Variants in SPRED2 observed in about 807,000 individuals in gnomAD.
The protein encoded by SPRED2 is sprouty related EVH1 domain containing 2.
Under a neutral mutation model 43.0 loss-of-function variants are expected in SPRED2, and 47 were observed. The observed-to-expected ratio is 1.09, with a 90% CI of 0.87 to 1.40. The LOEUF is 1.40. SPRED2 is among the 40% of genes most tolerant of loss of function. The probability of loss-of-function intolerance (pLI) is 0.00; values close to 1 mark genes in which losing one functional copy is unlikely to be tolerated. For synonymous variants in SPRED2, 225 were observed against 225.7 expected, an observed-to-expected ratio of 1.00 and a Z score of 0.03; for missense variants, 561 against 586.4, an observed-to-expected ratio of 0.96 and a Z score of 0.45.
chr2:65,431,766 C>T (rs748916852), intron 1 of SPRED2, among the ~76,000 whole-genome samples, 196 bp downstream of exon 1: 44 of 152,280 alleles, frequency 2.9e-4, no homozygotes, highest in South Asian at 6.2e-4. Flanking sequence ...AGGCGTGCGC[C>T]CGCCAGCCCG....
intron 1 of SPRED2, among the ~76,000 whole-genome samples, chr2:65,348,409 G>A (rs1356477069): frequency 2.0e-5 from 3 of 151,936 alleles, no homozygotes. Flanking sequence ...TGCCTTTTTT[G>A]TTCACTGCTA....
intron 1 of SPRED2, among the ~76,000 whole-genome samples, chr2:65,430,489 A>AT (rs1676651380): frequency 6.6e-6 from 1 of 152,212 alleles, no homozygotes; most frequent in South Asian, 2.1e-4. Context: ...GGTATATTTA[A>AT]TAAAGTGAGT....
chr2:65,326,372 C>G (rs1485619523), intron 4 of SPRED2, among the ~76,000 whole-genome samples: 1 of 152,190 alleles, frequency 6.6e-6, no homozygotes, highest in Non-Finnish European at 1.5e-5. Flanking sequence ...CTTTGGCAAA[C>G]AGGAAGTCGT....
intron 2 of SPRED2, among the ~76,000 whole-genome samples, chr2:65,339,119 T>C (rs13384624): frequency 3.0e-5 from 1 of 33,828 alleles, no homozygotes; most frequent in Non-Finnish European, 5.1e-5. Flanking sequence ...CAGCGCCCCC[T>C]CCCGGCCAGC....
At chr2:65,327,624 A>G (rs1370382425) in intron 4 of SPRED2, among the ~76,000 whole-genome samples, 1 of 151,294 alleles carries the variant, frequency 6.6e-6, no homozygotes, top group Non-Finnish European at 1.5e-5. Flanking sequence ...CTCAATCAGC[A>G]GTAGTTATGG....
At chr2:65,422,164 C>G (rs542800819) in intron 1 of SPRED2, among the ~76,000 whole-genome samples, 39 of 148,908 alleles carry the variant, frequency 2.6e-4, no homozygotes, top group African/African-American at 9.1e-4. Context: ...TCTCTCATAC[C>G]TAAAAACGAC....
chr2:65,428,177 C>G (rs1174447990), intron 1 of SPRED2, among the ~76,000 whole-genome samples: 1 of 152,172 alleles, frequency 6.6e-6, no homozygotes, highest in East Asian at 1.9e-4. Context: ...CATAGGGCAC[C>G]TGTTTTATGC....
At chr2:65,343,759 C>T (rs953999401) in intron 2 of SPRED2, among the ~76,000 whole-genome samples, 4 of 152,168 alleles carry the variant, frequency 2.6e-5, no homozygotes, top group Non-Finnish European at 5.9e-5. Context: ...TTGAGTTCCT[C>T]CATAAGACCA....
At chr2:65,390,064 C>T (rs755065753) in intron 1 of SPRED2, among the ~76,000 whole-genome samples, 1 of 152,182 alleles carries the variant, frequency 6.6e-6, no homozygotes, top group Admixed American at 6.5e-5. Flanking sequence ...ATTCTTCCTG[C>T]AATTCGCAGA....
chr2:65,430,310 A>G (rs139028396), intron 1 of SPRED2, among the ~76,000 whole-genome samples: 188 of 152,276 alleles, frequency 1.2e-3, no homozygotes, highest in African/African-American at 4.2e-3. Flanking sequence ...GACGTCTGCG[A>G]CAGGCACAGC....
intron 1 of SPRED2, among the ~76,000 whole-genome samples, chr2:65,409,719 T>C (rs930498167): frequency 6.7e-6 from 1 of 149,584 alleles, no homozygotes; most frequent in Non-Finnish European, 1.5e-5. Context: ...AAAAAGAATT[T>C]TGTGTTCTGA....
intron 1 of SPRED2, among the ~76,000 whole-genome samples, chr2:65,356,695 T>A (rs1176772740): frequency 2.6e-5 from 4 of 151,976 alleles, no homozygotes; most frequent in African/African-American, 7.3e-5. Flanking sequence ...CAGCCCTTAA[T>A]AAGACCTGTT....
chr2:65,345,653 C>T (rs1674331205), intron 1 of SPRED2, among the ~76,000 whole-genome samples: 1 of 152,206 alleles, frequency 6.6e-6, no homozygotes, highest in Non-Finnish European at 1.5e-5. Flanking sequence ...AGCCAAGAAT[C>T]TCATTTAGCA....
Position 65,313,485 on chromosome 2 carries a change from A to G in SPRED2, c.*16T>C, listed in dbSNP as rs746921432. 1.9e-6 allele frequency: 3 copies of G among 1,583,890 alleles called. No individual in the cohort carries two copies. Among genetic ancestry groups the G allele is most frequent in the Non-Finnish European group, 2.6e-6 (3 of 1,165,626 alleles). The stretch of plus-strand genomic sequence containing the variant: ...CCCTGTGGCTGCGGATGGAGGGAGA[A>G]GGGAGGGAAACTGAGTCACGCGGCC... On this transcript the variant is annotated 3_prime_UTR_variant, in exon 6 of 6. Coordinates refer to ENST00000356388, the MANE Select transcript of SPRED2 (RefSeq NM_181784.3).
intron 4 of SPRED2, among the ~76,000 whole-genome samples, chr2:65,327,754 C>T (rs1424070274): frequency 1.2e-4 from 15 of 126,720 alleles, no homozygotes; most frequent in South Asian, 7.8e-4. Context: ...GACGGAGTCT[C>T]GCTCTGTCGC....
chr2:65,329,012 A>G lies in SPRED2; in HGVS notation c.438+2975T>C, dbSNP rs117120538. On this transcript the variant is annotated intron_variant, in intron 4 of 5. Coordinates refer to ENST00000356388, the MANE Select transcript of SPRED2 (RefSeq NM_181784.3). ...AGAAACTCAACTTGCAAATACCCAA[A>G]AGCCCATCTAGGACAAAACCAACAT... is the stretch of plus-strand genomic sequence containing the variant. 1.1e-3 allele frequency among the ~76,000 whole-genome samples: 162 copies of G among 152,342 alleles called. 2 individuals carry two copies. The highest frequency in any genetic ancestry group is 7.9e-3 in the East Asian group (41 of 5,192).
chr2:65,425,240 G>T (rs1159724289), intron 1 of SPRED2, among the ~76,000 whole-genome samples: 1 of 152,152 alleles, frequency 6.6e-6, no homozygotes, highest in South Asian at 2.1e-4. Context: ...CTGAAAAATC[G>T]TTATTTCAGG....
chr2:65,321,135 G>A (rs766941040), intron 4 of SPRED2, among the ~76,000 whole-genome samples: 5 of 152,284 alleles, frequency 3.3e-5, no homozygotes, highest in Non-Finnish European at 5.9e-5. Context: ...ACTACTCTGT[G>A]CTCGGGGACT....
chr2:65,423,676 C>T (rs1371656068), intron 1 of SPRED2, among the ~76,000 whole-genome samples: 1 of 152,154 alleles, frequency 6.6e-6, no homozygotes, highest in Non-Finnish European at 1.5e-5. Context: ...CACCTTATTA[C>T]ATGATGGGGG....
Sources: allele counts gnomAD v4.1 joint callset (sites outside exome capture counted in the v4.1 genomes callset), GRCh38; gene constraint gnomAD v4.1.1; transcripts MANE v1.5; gene names NCBI Gene and HGNC (gene_info 2026-07-23, HGNC 2026-07-21).